The following ZNF253 variants were observed in gnomAD, a reference collection of about 807,000 sequenced individuals.
ZNF253 encodes zinc finger protein 253, also known as DNA-binding protein.
Under a neutral mutation model 11.9 loss-of-function variants are expected in ZNF253, and 8 were observed. The observed-to-expected ratio is 0.67, with a 90% confidence interval of 0.40 to 1.22. The LOEUF (loss-of-function observed/expected upper bound fraction) is 1.22, where lower values mean the gene tolerates loss of function less well. ZNF253 is among the 50% of genes most tolerant of loss of function. The pLI, the probability that ZNF253 is intolerant of heterozygous loss-of-function variation, is 0.01. For missense variants in ZNF253, 485 were observed against 586.9 expected, an observed-to-expected ratio of 0.83 and a Z score of 1.79; for synonymous variants, 194 against 194.9, an observed-to-expected ratio of 1.00 and a Z score of 0.04.
At chr19:19,878,349 T>C in intron 1 of ZNF253, 132 bp from the exon 2 acceptor site, 1 of 1,491,168 alleles carries the variant, frequency 6.7e-7, no homozygotes, top group South Asian at 1.3e-5. Flanking sequence ...GGTTGAAAAA[T>C]ATTTTATTGG....
chr19:19,880,026 A>G (rs759304494), intron 2 of ZNF253, 25 bp from the exon 3 acceptor site: 9 of 1,560,966 alleles, frequency 5.8e-6, no homozygotes, highest in African/African-American at 5.4e-5. Flanking sequence ...AGCAAGATTC[A>G]TGTTATTTAT....
At chr19:19,891,329 A>G (rs2063228729) in intron 3 of ZNF253, 145 bp from the exon 4 acceptor site, 1 of 668,436 alleles carries the variant, frequency 1.5e-6, no homozygotes, top group Non-Finnish European at 2.4e-6. Flanking sequence ...TGTTACATTT[A>G]TGTGTCCAGG....
chr19:19,875,704 T>C (rs981634238), intron 1 of ZNF253, among the ~76,000 whole-genome samples: 1 of 152,112 alleles, frequency 6.6e-6, no homozygotes, highest in Non-Finnish European at 1.5e-5. Context: ...CATTAAACTC[T>C]TTCTTTCTTT....
intron 1 of ZNF253, among the ~76,000 whole-genome samples, 200 bp downstream of exon 1, chr19:19,866,199 C>T (rs2063110206): frequency 6.6e-6 from 1 of 151,920 alleles, no homozygotes; most frequent in African/African-American, 2.4e-5. Context: ...GTGATTGTGC[C>T]CTGGCCTGGA....
chr19:19,891,240 C>T (rs1016534355), intron 3 of ZNF253, among the ~76,000 whole-genome samples: 1 of 152,162 alleles, frequency 6.6e-6, no homozygotes. Flanking sequence ...TGGCTATTTG[C>T]ATTCTGCTCA....
At position 19,891,770 on chromosome 19, in the gene ZNF253, A is replaced by G. The variant is rs2063231368; in HGVS notation, c.523A>G (p.Ile175Val). The G allele has an allele frequency of 1.9e-6, 3 of 1,614,000 alleles. No individual in the cohort carries two copies. The highest frequency in any genetic ancestry group is 2.5e-6 in the Non-Finnish European group (3 of 1,180,000). ...TACTGGAATAAATCTTTTCAAATGTATAATATGTGGCAAAGCTTTTAAACG... is the reference window on the plus strand; with the variant it reads ...TACTGGAATAAATCTTTTCAAATGTGTAATATGTGGCAAAGCTTTTAAACG... ...RHTGINLFKC[I>V]ICGKAFKRSS... Residue 175 changes from isoleucine (I) to valine (V), a missense_variant, in exon 4 of 4, where the codon ATA becomes GTA. Around this residue, in one of 3 missense-constraint regions of ZNF253, gnomAD observed 218 missense variants for 213.1 expected, o/e 1.02. Coordinates refer to ENST00000589717, the MANE Select transcript of ZNF253 (RefSeq NM_021047.3).
intron 1 of ZNF253, among the ~76,000 whole-genome samples, chr19:19,873,690 A>G (rs1284283042): frequency 2.0e-5 from 3 of 152,126 alleles, no homozygotes; most frequent in African/African-American, 7.2e-5. Flanking sequence ...TACATCTCAT[A>G]TAACCATTAA....
chr19:19,889,749 C>T (rs1238179202), intron 3 of ZNF253, among the ~76,000 whole-genome samples: 2 of 152,022 alleles, frequency 1.3e-5, no homozygotes, highest in African/African-American at 2.4e-5. Flanking sequence ...AAGCAGTTCT[C>T]GTGTGTCAGT....
intron 1 of ZNF253, among the ~76,000 whole-genome samples, chr19:19,866,917 T>G (rs927984952): frequency 6.6e-6 from 1 of 152,138 alleles, no homozygotes; most frequent in African/African-American, 2.4e-5. Context: ...TTGGGTTGTT[T>G]ACGGAGCGGG....
At chr19:19,868,946 A>G (rs889834002) in intron 1 of ZNF253, among the ~76,000 whole-genome samples, 2 of 152,168 alleles carry the variant, frequency 1.3e-5, no homozygotes, top group Non-Finnish European at 1.5e-5. Flanking sequence ...AATCATATGA[A>G]CAGCTAAATA....
At chr19:19,884,159 T>C (rs1456744343) in intron 3 of ZNF253, among the ~76,000 whole-genome samples, 1 of 152,042 alleles carries the variant, frequency 6.6e-6, no homozygotes, top group East Asian at 1.9e-4. Context: ...TCAATCTTCA[T>C]CTTAAAATGT....
At chr19:19,887,432 G>T (rs952496581) in intron 3 of ZNF253, among the ~76,000 whole-genome samples, 4 of 151,994 alleles carry the variant, frequency 2.6e-5, no homozygotes, top group Admixed American at 6.6e-5. Flanking sequence ...GAGTAGCTGG[G>T]ATTAAAGGCA....
intron 2 of ZNF253, 107 bp downstream of exon 2, chr19:19,878,714 C>G (rs552227893): frequency 5.8e-4 from 774 of 1,324,360 alleles, no homozygotes; most frequent in Non-Finnish European, 6.9e-4. Context: ...GGTAGAATTA[C>G]AGGCATAAGC....
intron 3 of ZNF253, 122 bp downstream of exon 3, chr19:19,880,268 C>G (rs2063172097): frequency 1.8e-6 from 1 of 549,882 alleles, no homozygotes. Flanking sequence ...AGGTCCTGGG[C>G]AGCTGTTTTT....
At chr19:19,886,049 G>A (rs2063205289) in intron 3 of ZNF253, among the ~76,000 whole-genome samples, 1 of 152,222 alleles carries the variant, frequency 6.6e-6, no homozygotes, top group Non-Finnish European at 1.5e-5. Flanking sequence ...CTGGAGTGCA[G>A]TAGCATAATT....
intron 3 of ZNF253, among the ~76,000 whole-genome samples, chr19:19,881,826 C>A (rs1305708729): frequency 6.7e-6 from 1 of 148,286 alleles, no homozygotes; most frequent in Non-Finnish European, 1.5e-5. Context: ...TACTGTTTTT[C>A]AATTTCAATG....
In ZNF253 at chr19:19,878,463, T is replaced by C. The variant is rs574877794; in HGVS notation, c.4-18T>C. The C allele has an allele frequency of 6.2e-7, 1 of 1,613,722 alleles. No individual in the cohort carries two copies. The highest frequency in any genetic ancestry group is 1.1e-5 in the South Asian group (1 of 91,062). On this transcript the variant is annotated intron_variant, in intron 1 of 3. Transcript: ENST00000589717. ...TCTCATGCCATTTAGTAATTATGTGTGTGTGTGTGTTTTCCAGGGACCATT... is the reference window on the plus strand; with the variant it reads ...TCTCATGCCATTTAGTAATTATGTGCGTGTGTGTGTTTTCCAGGGACCATT...
chr19:19,871,682 T>C (rs755044571), intron 1 of ZNF253, among the ~76,000 whole-genome samples: 28 of 152,200 alleles, frequency 1.8e-4, no homozygotes, highest in Non-Finnish European at 3.5e-4. Context: ...GACATGGTGC[T>C]GGAAATTCTT....
chr19:19,881,520 A>C (rs1289296470), intron 3 of ZNF253, among the ~76,000 whole-genome samples: 4 of 151,928 alleles, frequency 2.6e-5, no homozygotes, highest in Non-Finnish European at 5.9e-5. Context: ...ATGGTGGCGC[A>C]TGCCTGTAAT....
Sources: allele counts gnomAD v4.1 joint callset (sites outside exome capture counted in the v4.1 genomes callset), GRCh38; gene constraint gnomAD v4.1.1; regional missense constraint gnomAD v4.1.1; transcripts MANE v1.5; gene names NCBI Gene and HGNC (gene_info 2026-07-23, HGNC 2026-07-21).